NPSR1: variants seen among roughly 807,000 people sequenced by gnomAD.
The protein encoded by NPSR1 is neuropeptide S receptor.
In NPSR1, 48 loss-of-function variants were observed where a neutral mutation model predicts 46.9. That is an observed-to-expected ratio of 1.02 (90% CI 0.81 to 1.30). The LOEUF is 1.30. Ranked by LOEUF, NPSR1 falls within the 50% of genes most tolerant of loss-of-function variation. NPSR1 has a pLI of 0.00. For synonymous variants in NPSR1, 176 were observed against 168.1 expected (o/e 1.05, Z -0.36); for missense variants, 450 against 449.5 (o/e 1.00, Z -0.01).
chr7:34,776,271 A>G (rs1237797304), intron 2 of NPSR1, among the ~76,000 whole-genome samples: 1 of 152,128 alleles, frequency 6.6e-6, no homozygotes, highest in East Asian at 1.9e-4. Context: ...TCTGTCTGGA[A>G]GATCTGTCCA....
chr7:34,711,274 T>G (rs2128702271), intron 2 of NPSR1: 1 of 156,402 alleles, frequency 6.4e-6, no homozygotes, highest in African/African-American at 2.4e-5. Context: ...CCAATTTGAT[T>G]GCTTGATCTG....
chr7:34,717,107 G>C (rs1783612332), intron 2 of NPSR1, among the ~76,000 whole-genome samples: 1 of 152,202 alleles, frequency 6.6e-6, no homozygotes. Context: ...AAAATTTCCA[G>C]GGAGAGGATG....
At chr7:34,694,695 C>T (rs111595432) in intron 2 of NPSR1, among the ~76,000 whole-genome samples, 2,156 of 152,172 alleles carry the variant, frequency 0.014, 47 homozygotes, top group African/African-American at 0.05. Context: ...TTTTAAAAGA[C>T]CCTGAATAGC....
At chr7:34,849,522 G>A (rs1285707957) in intron 8 of NPSR1, 43 bp from the exon 9 acceptor site, 3 of 1,611,056 alleles carry the variant, frequency 1.9e-6, no homozygotes, top group East Asian at 4.5e-5. Flanking sequence ...CTTTTCATTA[G>A]GTCAAATTAT....
intron 2 of NPSR1, among the ~76,000 whole-genome samples, chr7:34,702,775 A>G (rs868855249): frequency 2.0e-5 from 3 of 152,202 alleles, no homozygotes; most frequent in South Asian, 4.1e-4. Flanking sequence ...ATTTAGAAAA[A>G]GTTTATAGAA....
At chr7:34,859,249 G>A (rs1562776202) in intron 8 of NPSR1, among the ~76,000 whole-genome samples, 1 of 151,748 alleles carries the variant, frequency 6.6e-6, no homozygotes, top group Non-Finnish European at 1.5e-5. Flanking sequence ...CCTCCACAGA[G>A]CCTTGTGAGT....
chr7:34,792,525 A>G (rs1004493230), intron 3 of NPSR1, among the ~76,000 whole-genome samples: 1 of 143,362 alleles, frequency 7.0e-6, no homozygotes, highest in Non-Finnish European at 1.5e-5. Context: ...ACATATATAT[A>G]TATGTACATA....
intron 3 of NPSR1, among the ~76,000 whole-genome samples, chr7:34,799,645 G>A (rs759661803): frequency 6.7e-6 from 1 of 148,558 alleles, no homozygotes; most frequent in South Asian, 2.2e-4. Flanking sequence ...AGAGTAGGAA[G>A]AAACTGCATC....
rs1208222383 is a variant in NPSR1, at chr7:34,751,718, C to T, written c.281-26744C>T. On this transcript the variant is annotated intron_variant, in intron 2 of 8. Coordinates refer to ENST00000360581, the MANE Select transcript of NPSR1 (RefSeq NM_207172.2). ...AAAGTGGGGAGCATTGTGGGAGACT[C>T]CTTCGGGTCCCCCTGACTGGTTCTC... 1.6e-5 allele frequency: 25 copies of T among 1,584,254 alleles called. No individual in the cohort carries two copies. In the African/African-American group the frequency reaches 2.8e-4, roughly 18 times the overall value.
At chr7:34,768,310 T>C (rs1013182285) in intron 2 of NPSR1, 6 of 152,126 alleles carry the variant, frequency 3.9e-5, no homozygotes, top group African/African-American at 1.4e-4. Flanking sequence ...ATAAGGACTA[T>C]TCAAAATTTT....
chr7:34,833,065 GA>G (rs966944934), intron 5 of NPSR1, among the ~76,000 whole-genome samples: 1 of 152,206 alleles, frequency 6.6e-6, no homozygotes, highest in African/African-American at 2.4e-5. Context: ...GCAAGAATGG[GA>G]AAAGGCAGTA....
intron 3 of NPSR1, among the ~76,000 whole-genome samples, chr7:34,780,204 A>G (rs1787169018): frequency 6.6e-6 from 1 of 152,178 alleles, no homozygotes; most frequent in African/African-American, 2.4e-5. Flanking sequence ...ACTTGGATTC[A>G]GTATGGGAAA....
At chr7:34,685,961 A>C in intron 2 of NPSR1, 1 of 194,428 alleles carries the variant, frequency 5.1e-6, no homozygotes, top group Non-Finnish European at 1.1e-5. Context: ...TCATCCAGCA[A>C]ATGCTTAGAG....
At chr7:34,759,872 A>C (rs941660890) in intron 2 of NPSR1, among the ~76,000 whole-genome samples, 12 of 152,236 alleles carry the variant, frequency 7.9e-5, no homozygotes, top group African/African-American at 2.7e-4. Context: ...TTTCCTGCAC[A>C]GGACCATCTA....
intron 3 of NPSR1, among the ~76,000 whole-genome samples, chr7:34,792,715 T>TTTTA (rs1554331562): frequency 2.0e-5 from 2 of 98,926 alleles, no homozygotes; most frequent in African/African-American, 7.7e-5. Context: ...ATATATATAT[T>TTTTA]TATATATATA....
intron 2 of NPSR1, among the ~76,000 whole-genome samples, chr7:34,759,388 C>A (rs946724861): frequency 6.6e-6 from 1 of 152,072 alleles, no homozygotes; most frequent in Admixed American, 6.5e-5. Context: ...ATCATAGGTT[C>A]TTCTTTTATT....
intron 8 of NPSR1, among the ~76,000 whole-genome samples, chr7:34,858,619 T>C (rs982993040): frequency 6.6e-6 from 1 of 151,902 alleles, no homozygotes. Context: ...AGTTCCACAT[T>C]GCTGGGGAGG....
intron 5 of NPSR1, 134 bp downstream of exon 5, chr7:34,827,736 AT>A: frequency 1.5e-6 from 1 of 661,504 alleles, no homozygotes; most frequent in Non-Finnish European, 2.6e-6. Flanking sequence ...AGGCCACAAG[AT>A]TTTATGTGTA....
At chr7:34,683,386 G>T (rs1792751797) in intron 1 of NPSR1, among the ~76,000 whole-genome samples, 2 of 151,406 alleles carry the variant, frequency 1.3e-5, no homozygotes, top group South Asian at 4.2e-4. Flanking sequence ...GGCAGAGCTT[G>T]CAGTGAGCTA....
Sources: gnomAD v4.1 joint callset for allele counts (sites outside exome capture counted in the v4.1 genomes callset) on GRCh38, gnomAD v4.1.1 for gene constraint, MANE v1.5 for transcripts, NCBI Gene and HGNC (gene_info 2026-07-23, HGNC 2026-07-21) for gene names.